ZNF611: variants seen among roughly 807,000 people sequenced by gnomAD.
ZNF611 encodes the protein zinc finger protein 611.
ZNF611 carries 6 observed loss-of-function variants against 8.9 expected under a neutral mutation model. The ratio of observed to expected loss-of-function variants is 0.68; its 90% CI spans 0.37 to 1.34. The LOEUF (loss-of-function observed/expected upper bound fraction) is 1.34, where lower values mean the gene tolerates loss of function less well. Ranked by LOEUF, ZNF611 falls within the 40% of genes most tolerant of loss-of-function variation. The probability of loss-of-function intolerance (pLI) is 0.02; values close to 1 mark genes in which losing one functional copy is unlikely to be tolerated. For synonymous variants in ZNF611, 262 were observed against 279.7 expected (o/e 0.94, Z 0.63); for missense variants, 874 against 841.3 (o/e 1.04, Z -0.48).
intron 3 of ZNF611, among the ~76,000 whole-genome samples, chr19:52,720,630 G>GTC (rs2062351569): frequency 6.8e-6 from 1 of 147,776 alleles, no homozygotes; most frequent in African/African-American, 2.5e-5. Flanking sequence ...TCCCAGACGG[G>GTC]GCAGCCGGGC....
intron 1 of ZNF611, among the ~76,000 whole-genome samples, chr19:52,731,038 G>A (rs528969867): frequency 6.6e-6 from 1 of 152,164 alleles, no homozygotes; most frequent in South Asian, 2.1e-4. Flanking sequence ...TGGGACTACA[G>A]ATGCATGCCA....
At chr19:52,730,868 G>A (rs4801929) in intron 1 of ZNF611, among the ~76,000 whole-genome samples, 41,546 of 151,970 alleles carry the variant, frequency 0.27, 5,690 homozygotes, top group Middle Eastern at 0.33. Context: ...ACAAGTGTGA[G>A]CCCCCGCACA....
At chr19:52,722,564 C>G (rs1272816245) in intron 3 of ZNF611, among the ~76,000 whole-genome samples, 1 of 152,106 alleles carries the variant, frequency 6.6e-6, no homozygotes, top group Non-Finnish European at 1.5e-5. Context: ...GGAAGCTAAC[C>G]TCTGACACCA....
chr19:52,707,371 G>A (rs1481160794), intron 5 of ZNF611: 1 of 151,652 alleles, frequency 6.6e-6, no homozygotes, highest in Non-Finnish European at 1.5e-5. Context: ...TTATAGCACT[G>A]AGAAGATAAG....
At chr19:52,724,976 T>C (rs1167893164) in intron 3 of ZNF611, among the ~76,000 whole-genome samples, 1 of 152,212 alleles carries the variant, frequency 6.6e-6, no homozygotes, top group Non-Finnish European at 1.5e-5. Context: ...ATCCTCTACT[T>C]TGCCATCTGT....
chr19:52,728,369 T>C (rs903923343), intron 3 of ZNF611, among the ~76,000 whole-genome samples: 2 of 152,034 alleles, frequency 1.3e-5, no homozygotes, highest in African/African-American at 4.8e-5. Flanking sequence ...TGAAACCCCA[T>C]CTCTACAAAA....
intron 3 of ZNF611, among the ~76,000 whole-genome samples, chr19:52,725,986 C>T (rs988865609): frequency 6.6e-6 from 1 of 152,254 alleles, no homozygotes; most frequent in Non-Finnish European, 1.5e-5. Context: ...AGGCATGATA[C>T]AAAAGCCCTG....
chr19:52,719,461 A>G (rs2147434576), intron 3 of ZNF611, among the ~76,000 whole-genome samples: 1 of 152,260 alleles, frequency 6.6e-6, no homozygotes, highest in Middle Eastern at 3.4e-3. Flanking sequence ...TGATGCCATC[A>G]TTATAAAATG....
At chr19:52,707,506 A>T (rs1270278992) in intron 5 of ZNF611, 1 of 150,512 alleles carries the variant, frequency 6.6e-6, no homozygotes, top group Non-Finnish European at 1.5e-5. Context: ...GGATCACACC[A>T]CTGCACTCCA....
At chr19:52,717,477 T>C (rs2547946) in intron 3 of ZNF611, among the ~76,000 whole-genome samples, 61,554 of 152,022 alleles carry the variant, frequency 0.4, 12,597 homozygotes, top group East Asian at 0.47. Context: ...GAAAGCAGCC[T>C]GTGTGGCTGG....
At chr19:52,719,272 A>C (rs2062338271) in intron 3 of ZNF611, among the ~76,000 whole-genome samples, 2 of 152,186 alleles carry the variant, frequency 1.3e-5, no homozygotes, top group Admixed American at 1.3e-4. Flanking sequence ...AGAGAACAAA[A>C]GCACTTTTAA....
In ZNF611 at chr19:52,735,012, G is replaced by T; in HGVS notation, c.-233C>A. 3 of 153,406 alleles carry T rather than the reference G, an allele frequency of 2.0e-5. No individual in the cohort carries two copies. In the South Asian group the frequency reaches 5.7e-4, roughly 29 times the overall value. 9.5% of individuals were successfully genotyped at this position (153,406 alleles called of 1,614,324 possible). On this transcript the variant is annotated 5_prime_UTR_variant, in exon 1 of 6. Coordinates refer to ENST00000652185, the MANE Select transcript of ZNF611 (RefSeq NM_001161499.2). Reference sequence around the variant, plus strand: ...AGAGCAAAACTCACCGCGGCGATATGACCTACACTCCACCCGATCCGCTTC... The same window carrying T: ...AGAGCAAAACTCACCGCGGCGATATTACCTACACTCCACCCGATCCGCTTC...
chr19:52,704,239 C>T lies in ZNF611; in HGVS notation c.*698G>A, dbSNP rs867250552. On this transcript the variant is annotated 3_prime_UTR_variant, in exon 6 of 6. Coordinates refer to ENST00000652185, the MANE Select transcript of ZNF611 (RefSeq NM_001161499.2). ...GAATTGACTCCAATGTCAATTAATGCTTGATGGTTTGCTATACTCATTTCA... is the reference window on the plus strand; with the variant it reads ...GAATTGACTCCAATGTCAATTAATGTTTGATGGTTTGCTATACTCATTTCA... 11 of 441,974 alleles carry T rather than the reference C, an allele frequency of 2.5e-5. No homozygotes were observed. The Middle Eastern group carries it at 1.1e-3, about 42-fold the overall frequency. 27.4% of individuals were successfully genotyped at this position (441,974 alleles called of 1,614,324 possible).
Position 52,706,221 on chromosome 19 carries a change from A to C in ZNF611, c.834T>G (p.Asp278Glu), listed in dbSNP as rs774722461. The change falls in exon 6 of 6, where the codon GAT becomes GAG. Residue 278 changes from aspartate to glutamate, a missense_variant. Asp to Glu is a conservative substitution (Grantham distance 45). Transcript: ENST00000652185. ...AAGGTTTCTCAACAGTGTGACATCT[A>C]TCATGGCATGCAAGGTATTGCTCGT... The part of the protein sequence containing the change: ...FNHEQYLACH[D>E]RCHTVEKPYK... 2.5e-6 allele frequency: 4 copies of C among 1,614,194 alleles called. No homozygotes were observed. In the East Asian group the frequency reaches 8.9e-5, roughly 36 times the overall value.
chr19:52,713,850 C>G (rs891586382), intron 5 of ZNF611, among the ~76,000 whole-genome samples, 165 bp downstream of exon 5: 4 of 152,070 alleles, frequency 2.6e-5, no homozygotes, highest in Non-Finnish European at 5.9e-5. Flanking sequence ...AAGATCATAC[C>G]ATTGCACTCC....
Position 52,725,333 on chromosome 19 carries a change from A to G in ZNF611, c.-20+3397T>C, listed in dbSNP as rs552079311. 5.9e-5 allele frequency among the ~76,000 whole-genome samples: 9 copies of G among 152,246 alleles called. No individual in the cohort carries two copies. The East Asian group carries it at 1.2e-3, about 20-fold the overall frequency. On this transcript the variant is annotated intron_variant, in intron 3 of 5. Coordinates refer to ENST00000652185, the MANE Select transcript of ZNF611 (RefSeq NM_001161499.2). ...GCAGGCTCCCAGGACCAGGCAGAGG[A>G]CCCAGCCTCCCCAGGACTGGGGCCC...
intron 1 of ZNF611, among the ~76,000 whole-genome samples, chr19:52,731,575 G>A (rs1280900601): frequency 6.6e-6 from 1 of 151,840 alleles, no homozygotes; most frequent in African/African-American, 2.4e-5. Flanking sequence ...CACTCTGTTG[G>A]CCAGGCTGGT....
Position 52,731,736 on chromosome 19 carries a change from C to G in ZNF611, c.-221-1731G>C, listed in dbSNP as rs541256430. On this transcript the variant is annotated intron_variant, in intron 1 of 5. Transcript: ENST00000652185. ...CCGTAATCCCAGCACTTTGGGAGGCCGAGGCAGGTGGATCACCTCAGGTCG... is the reference window on the plus strand; with the variant it reads ...CCGTAATCCCAGCACTTTGGGAGGCGGAGGCAGGTGGATCACCTCAGGTCG... Among the ~76,000 whole-genome samples the G allele has an allele frequency of 2.0e-5, 3 of 149,422 alleles. No homozygotes were observed. The South Asian group carries it at 6.4e-4, about 32-fold the overall frequency.
chr19:52,730,285 G>A (rs913363776), intron 1 of ZNF611, among the ~76,000 whole-genome samples: 47 of 150,368 alleles, frequency 3.1e-4, no homozygotes, highest in African/African-American at 1.1e-3. Context: ...TCAGCTACTC[G>A]GGAGGCTGAG....
Sources: allele counts gnomAD v4.1 joint callset (sites outside exome capture counted in the v4.1 genomes callset), GRCh38; gene constraint gnomAD v4.1.1; transcripts MANE v1.5; gene names NCBI Gene and HGNC (gene_info 2026-07-23, HGNC 2026-07-21).